The following NEDD4L variants were observed in gnomAD, a reference collection of about 807,000 sequenced individuals.
NEDD4L encodes the protein NEDD4 like E3 ubiquitin protein ligase, also known as E3 ubiquitin-protein ligase NEDD4-like.
Under a neutral mutation model 148.9 loss-of-function variants are expected in NEDD4L, and 54 were observed. That is an observed-to-expected ratio of 0.36 (90% CI 0.29 to 0.45). The LOEUF is 0.45. Among genes scored for constraint, NEDD4L ranks in the 20% least tolerant of loss-of-function variants. The pLI is 1.00. For missense variants in NEDD4L, 856 were observed against 1,233.8 expected (o/e 0.69, Z 4.59); for synonymous variants, 433 against 440.7 (o/e 0.98, Z 0.22).
At chr18:58,349,742 T>C (rs1426545453) in intron 17 of NEDD4L, 128 bp downstream of exon 17, 2 of 717,630 alleles carry the variant, frequency 2.8e-6, no homozygotes, top group Non-Finnish European at 4.8e-6. Flanking sequence ...TTTGTGTTTC[T>C]TAACAGAATT....
Position 58,256,284 on chromosome 18 carries a change from G to A in NEDD4L, c.297+4230G>A, listed in dbSNP as rs1189242618. 6 of 1,231,358 alleles carry A rather than the reference G, an allele frequency of 4.9e-6. No homozygotes were observed. Among genetic ancestry groups the A allele is most frequent in the Non-Finnish European group, 6.1e-6 (6 of 987,748 alleles). 76.3% of individuals were successfully genotyped at this position (1,231,358 alleles called of 1,614,324 possible). On this transcript the variant is annotated intron_variant, in intron 5 of 30. Transcript: ENST00000400345. This position sits in a 1 kb window ranked among gnomAD's most constrained non-coding sequence, Gnocchi z 5.2. ...CTGCCCCTGGGCCCCGATGGCCAGG[G>A]CGGCCCGGCCGCGGCAGAGCCCAGG...
At chr18:58,371,353 C>T (rs1255550017) in intron 23 of NEDD4L, among the ~76,000 whole-genome samples, 4 of 151,880 alleles carry the variant, frequency 2.6e-5, no homozygotes, top group African/African-American at 9.7e-5. Context: ...GCACCCAGCA[C>T]GGATTTGCTA....
intron 1 of NEDD4L, among the ~76,000 whole-genome samples, chr18:58,077,130 C>A (rs557603700): frequency 1.5e-5 from 2 of 135,652 alleles, no homozygotes; most frequent in Admixed American, 1.5e-4. Flanking sequence ...GGATTACAGG[C>A]GTGAGCCACC....
intron 1 of NEDD4L, among the ~76,000 whole-genome samples, chr18:58,126,902 A>G (rs2031210405): frequency 6.6e-6 from 1 of 152,198 alleles, no homozygotes; most frequent in Admixed American, 6.5e-5. Flanking sequence ...CCCGCACCCC[A>G]GCACCCAGGG....
intron 1 of NEDD4L, among the ~76,000 whole-genome samples, chr18:58,096,591 A>G (rs1201074172): frequency 6.6e-6 from 1 of 151,730 alleles, no homozygotes; most frequent in East Asian, 1.9e-4. Context: ...TTTAGTAGAG[A>G]TGGGGTTTTG....
chr18:58,355,509 T>C (rs1182878586), intron 18 of NEDD4L, among the ~76,000 whole-genome samples: 2 of 152,226 alleles, frequency 1.3e-5, no homozygotes, highest in Admixed American at 6.5e-5. Context: ...TCAGGAGTTA[T>C]TCATTTATTT....
intron 2 of NEDD4L, among the ~76,000 whole-genome samples, chr18:58,182,568 C>T (rs1479432178): frequency 7.4e-6 from 1 of 135,964 alleles, no homozygotes; most frequent in Non-Finnish European, 1.5e-5. Context: ...GGCTGGAGTG[C>T]AGAGGCGCAA....
chr18:58,262,631 GA>G (rs11296007), intron 5 of NEDD4L, among the ~76,000 whole-genome samples: 73,057 of 138,504 alleles, frequency 0.53, 18,887 homozygotes, highest in South Asian at 0.67. Context: ...TCTGTCTCAG[GA>G]AAAAAAAAAA....
At chr18:58,390,295 C>A (rs1037909694) in intron 28 of NEDD4L, 10 of 170,680 alleles carry the variant, frequency 5.9e-5, no homozygotes, top group African/African-American at 2.1e-4. Flanking sequence ...CCTGGCTTCC[C>A]CTTGTGATGA....
At chr18:58,263,125 A>C (rs112567061) in intron 5 of NEDD4L, among the ~76,000 whole-genome samples, 456 of 152,268 alleles carry the variant, frequency 3.0e-3, no homozygotes, top group African/African-American at 0.01. Flanking sequence ...TCGTTGCTAC[A>C]CTTTAGTATT....
intron 1 of NEDD4L, among the ~76,000 whole-genome samples, chr18:58,160,729 A>G (rs997971177): frequency 6.6e-6 from 1 of 152,254 alleles, no homozygotes; most frequent in Admixed American, 6.5e-5. Flanking sequence ...TAAAAGAATG[A>G]CGATGGTTGC....
chr18:58,323,464 A>G (rs992482422), intron 8 of NEDD4L, 130 bp downstream of exon 8: 1 of 602,494 alleles, frequency 1.7e-6, no homozygotes. Context: ...ATGTCCGCAA[A>G]TTGGTCATTG....
At chr18:58,179,225 T>C (rs927896944) in intron 2 of NEDD4L, among the ~76,000 whole-genome samples, 1 of 152,224 alleles carries the variant, frequency 6.6e-6, no homozygotes, top group African/African-American at 2.4e-5. Context: ...GCATATGTAG[T>C]CAAGCCATCA....
chr18:58,278,843 A>T (rs954051959), intron 5 of NEDD4L, among the ~76,000 whole-genome samples: 4 of 152,190 alleles, frequency 2.6e-5, no homozygotes, highest in African/African-American at 9.6e-5. Context: ...TCACACAGTT[A>T]TATATTTGAC....
chr18:58,374,527 G>A (rs529033034), intron 24 of NEDD4L, among the ~76,000 whole-genome samples: 10 of 151,138 alleles, frequency 6.6e-5, no homozygotes, highest in South Asian at 2.1e-4. Flanking sequence ...ACAGACAGGC[G>A]GACACTGTTC....
chr18:58,321,620 A>T (rs2058780065), intron 6 of NEDD4L, among the ~76,000 whole-genome samples: 3 of 152,256 alleles, frequency 2.0e-5, no homozygotes, highest in African/African-American at 7.2e-5. Context: ...GTGCATACGT[A>T]CATACATGTG....
chr18:58,202,488 A>G (rs1489624882), intron 2 of NEDD4L, among the ~76,000 whole-genome samples: 1 of 152,242 alleles, frequency 6.6e-6, no homozygotes, highest in Non-Finnish European at 1.5e-5. Context: ...TGGGTGACTC[A>G]TGCAGTCAGG....
intron 1 of NEDD4L, among the ~76,000 whole-genome samples, chr18:58,055,804 G>A (rs141444350): frequency 9.8e-5 from 15 of 152,288 alleles, no homozygotes; most frequent in East Asian, 1.9e-4. Context: ...CTCCAGTTGC[G>A]TGAAAGTAAT....
intron 8 of NEDD4L, 92 bp downstream of exon 8, chr18:58,323,426 G>C (rs2059021152): frequency 1.3e-6 from 1 of 742,094 alleles, no homozygotes; most frequent in South Asian, 1.6e-5. Flanking sequence ...TAAAAGTTTA[G>C]AAAGCTTAAA....
Sources: allele counts gnomAD v4.1 joint callset (sites outside exome capture counted in the v4.1 genomes callset), GRCh38; gene constraint gnomAD v4.1.1; non-coding constraint Gnocchi (gnomAD v3.1); transcripts MANE v1.5; gene names NCBI Gene and HGNC (gene_info 2026-07-23, HGNC 2026-07-21).